Variants in NCEH1 observed in about 807,000 individuals in gnomAD.
NCEH1 encodes neutral cholesterol ester hydrolase 1, also known as 2-acetyl MAGE hydrolase.
A neutral mutation model predicts 25.4 loss-of-function variants in NCEH1; 9 were observed. That is an observed-to-expected ratio of 0.35 (90% CI 0.21 to 0.62). The LOEUF is 0.62. Among genes scored for constraint, NCEH1 ranks in the 20% least tolerant of loss-of-function variants. The probability of loss-of-function intolerance (pLI) is 0.72; values close to 1 mark genes in which losing one functional copy is unlikely to be tolerated. For missense variants in NCEH1, 412 were observed against 501.1 expected (o/e 0.82, Z 1.70); for synonymous variants, 200 against 199.8 (o/e 1.00, Z -0.01).
intron 1 of NCEH1, among the ~76,000 whole-genome samples, chr3:172,663,596 A>G (rs2108507593): frequency 6.6e-6 from 1 of 152,264 alleles, no homozygotes; most frequent in African/African-American, 2.4e-5. Flanking sequence ...TTGGGAGTCT[A>G]AGTCTCTTTA....
At chr3:172,708,276 C>T (rs549192223) in intron 1 of NCEH1, among the ~76,000 whole-genome samples, 5 of 152,370 alleles carry the variant, frequency 3.3e-5, no homozygotes, top group African/African-American at 9.6e-5. Flanking sequence ...TCTCAAACAG[C>T]TTAAATTGCT....
At chr3:172,694,376 A>ATG (rs1488206507) in intron 1 of NCEH1, among the ~76,000 whole-genome samples, 1 of 147,622 alleles carries the variant, frequency 6.8e-6, no homozygotes, top group African/African-American at 2.7e-5. Flanking sequence ...AGAGTTATAT[A>ATG]TATGTGTGTG....
At chr3:172,664,492 T>C (rs1467628461) in intron 1 of NCEH1, among the ~76,000 whole-genome samples, 2 of 152,242 alleles carry the variant, frequency 1.3e-5, no homozygotes, top group Non-Finnish European at 2.9e-5. Context: ...GTTTCCTGAA[T>C]TTGAATGTTG....
At chr3:172,650,434 G>A (rs1057295485) in intron 1 of NCEH1, among the ~76,000 whole-genome samples, 12 of 152,012 alleles carry the variant, frequency 7.9e-5, no homozygotes, top group Non-Finnish European at 1.5e-4. Context: ...ATGAGGTCAG[G>A]AGATCGAGAC....
At chr3:172,667,993 T>A (rs1417340039) in intron 1 of NCEH1, among the ~76,000 whole-genome samples, 1 of 152,134 alleles carries the variant, frequency 6.6e-6, no homozygotes, top group Admixed American at 6.6e-5. Context: ...CAAGTTCCCG[T>A]CTCATAACAA....
chr3:172,681,250 A>T (rs1283005759), intron 1 of NCEH1: 4 of 152,078 alleles, frequency 2.6e-5, no homozygotes, highest in Admixed American at 1.3e-4. Flanking sequence ...GAAGAGAAAG[A>T]TCATGAAGAA....
intron 1 of NCEH1, among the ~76,000 whole-genome samples, chr3:172,666,266 C>T (rs1261281418): frequency 3.3e-5 from 5 of 152,172 alleles, no homozygotes; most frequent in South Asian, 2.1e-4. Context: ...TGGCTGCCTC[C>T]GGATAACACC....
intron 3 of NCEH1, among the ~76,000 whole-genome samples, chr3:172,636,428 T>C (rs903601678): frequency 6.6e-6 from 1 of 151,980 alleles, no homozygotes; most frequent in Non-Finnish European, 1.5e-5. Flanking sequence ...AGCACCGTAA[T>C]AGATTTTAGA....
At chr3:172,701,948 C>T (rs1263154690) in intron 1 of NCEH1, among the ~76,000 whole-genome samples, 1 of 152,172 alleles carries the variant, frequency 6.6e-6, no homozygotes, top group East Asian at 1.9e-4. Flanking sequence ...GAACTTTAAG[C>T]TCCAGCCAGT....
At chr3:172,702,502 C>T (rs1713752555) in intron 1 of NCEH1, among the ~76,000 whole-genome samples, 1 of 152,194 alleles carries the variant, frequency 6.6e-6, no homozygotes, top group Non-Finnish European at 1.5e-5. Context: ...CCTCACTTGA[C>T]TGTAAGCTTC....
At position 172,710,901 on chromosome 3, in the gene NCEH1, G is replaced by A. The variant is rs745843018; in HGVS notation, c.84C>T (p.Ser28=). ...CCAGCAGCATCAGCTTCCAGGGGTC[G>A]GACACGGAGCCAGGCAGCGGGATGT... ...YVYIPLPGSV[S]DPWKLMLLDA... Residue 28 remains serine (S), a synonymous_variant, in exon 1 of 5, where the codon TCC becomes TCT. Transcript: ENST00000475381. 5.0e-6 allele frequency: 8 copies of A among 1,614,016 alleles called. No individual in the cohort carries two copies. Among genetic ancestry groups the A allele is most frequent in the Non-Finnish European group, 6.8e-6 (8 of 1,180,026 alleles).
At position 172,633,424 on chromosome 3, in the gene NCEH1, G is replaced by C; in HGVS notation, c.*51C>G. On this transcript the variant is annotated 3_prime_UTR_variant, in exon 5 of 5. Coordinates refer to ENST00000475381, the MANE Select transcript of NCEH1 (RefSeq NM_020792.6). ...ACTAAAAAGTGCATGTCTTTCCAAA[G>C]CAGGTGTAGGAGGTCAAGAGGGGCT... The C allele has an allele frequency of 6.5e-7, 1 of 1,542,856 alleles. No homozygotes were observed. The highest frequency in any genetic ancestry group is 8.8e-7 in the Non-Finnish European group (1 of 1,139,582).
At position 172,651,563 on chromosome 3, in the gene NCEH1, C is replaced by CT. The variant is rs35448757; in HGVS notation, c.139-3450dup. ...TAAAAGCCTGTATCTTTTGGAGAAT[C>CT]TTTTTTTTTTTTTGAGGTAGAGTCT... On this transcript the variant is annotated intron_variant, in intron 1 of 4. Transcript: ENST00000475381. Among the ~76,000 whole-genome samples the CT allele has an allele frequency of 6.0e-3, 870 of 144,262 alleles. 6 individuals are homozygous for CT. Among genetic ancestry groups the CT allele is most frequent in the African/African-American group, 0.015 (594 of 39,496 alleles). The allele number at this position is 144,262 out of a possible 152,430, so 94.6% of individuals were successfully genotyped here. A position where few individuals can be genotyped will look rare whatever the true frequency, so the allele number is the denominator to read the frequency against.
chr3:172,689,778 G>A (rs1712925263), intron 1 of NCEH1, among the ~76,000 whole-genome samples: 1 of 151,382 alleles, frequency 6.6e-6, no homozygotes, highest in East Asian at 2.0e-4. Flanking sequence ...TAGTAAAATT[G>A]GAAAGACTGA....
At chr3:172,664,777 G>A (rs1031937963) in intron 1 of NCEH1, among the ~76,000 whole-genome samples, 13 of 152,234 alleles carry the variant, frequency 8.5e-5, no homozygotes, top group South Asian at 4.1e-4. Context: ...CATGTGTCAC[G>A]TAGTTCTCGT....
chr3:172,656,840 T>C (rs111725689), intron 1 of NCEH1, among the ~76,000 whole-genome samples: 17 of 152,276 alleles, frequency 1.1e-4, no homozygotes, highest in African/African-American at 2.9e-4. Context: ...CAGCCCCATA[T>C]GTCTGATGAA....
intron 1 of NCEH1, among the ~76,000 whole-genome samples, chr3:172,678,692 AT>A (rs940269042): frequency 9.3e-5 from 14 of 150,816 alleles, no homozygotes; most frequent in African/African-American, 3.4e-4. Flanking sequence ...CATTTAAAAA[AT>A]TTTTTAAACT....
intron 1 of NCEH1, among the ~76,000 whole-genome samples, chr3:172,687,512 T>C (rs1381779422): frequency 6.6e-6 from 1 of 152,216 alleles, no homozygotes. Context: ...ACATGAAACA[T>C]TAAATGAGCT....
At chr3:172,650,271 G>C (rs180688671) in intron 1 of NCEH1, among the ~76,000 whole-genome samples, 2 of 152,158 alleles carry the variant, frequency 1.3e-5, no homozygotes, top group African/African-American at 4.8e-5. Context: ...GGGAGGCCAA[G>C]GCAGGCAGAT....
Sources: gnomAD v4.1 joint callset for allele counts (sites outside exome capture counted in the v4.1 genomes callset) on GRCh38, gnomAD v4.1.1 for gene constraint, MANE v1.5 for transcripts, NCBI Gene and HGNC (gene_info 2026-07-23, HGNC 2026-07-21) for gene names.